The following CCDC85A variants were observed in gnomAD, a reference collection of about 807,000 sequenced individuals.
The protein encoded by CCDC85A is coiled-coil domain containing 85A, also known as coiled-coil domain-containing protein 85A.
Under a neutral mutation model 50.2 loss-of-function variants are expected in CCDC85A, and 38 were observed. That is an observed-to-expected ratio of 0.76 (90% CI 0.58 to 0.99). The LOEUF is 0.99. CCDC85A is among the 50% of genes least tolerant of loss of function. The pLI is 0.00. For synonymous variants in CCDC85A, 366 were observed against 301.4 expected (o/e 1.21, Z -2.22); for missense variants, 820 against 742.0 (o/e 1.11, Z -1.22).
At chr2:56,259,949 T>G (rs1670150516) in intron 2 of CCDC85A, among the ~76,000 whole-genome samples, 2 of 152,212 alleles carry the variant, frequency 1.3e-5, no homozygotes, top group East Asian at 1.9e-4. Flanking sequence ...GGCCTTTTCC[T>G]TATGAATCTA....
chr2:56,365,368 T>A (rs1384519079), intron 3 of CCDC85A, among the ~76,000 whole-genome samples: 1 of 152,198 alleles, frequency 6.6e-6, no homozygotes, highest in Admixed American at 6.5e-5. Context: ...AGCACAGAGC[T>A]GATGTTAATC....
intron 3 of CCDC85A, among the ~76,000 whole-genome samples, chr2:56,370,805 A>G (rs143113856): frequency 6.0e-4 from 92 of 152,250 alleles, no homozygotes; most frequent in African/African-American, 1.8e-3. Flanking sequence ...CACATTAAGA[A>G]AGAATGAAAG....
intron 1 of CCDC85A, among the ~76,000 whole-genome samples, chr2:56,188,244 G>A (rs1366346382): frequency 1.3e-5 from 2 of 152,208 alleles, no homozygotes; most frequent in Non-Finnish European, 2.9e-5. Flanking sequence ...CAAGCTGGCT[G>A]CTTAGCTGTT....
chr2:56,187,335 A>G (rs1408220616), intron 1 of CCDC85A, among the ~76,000 whole-genome samples: 1 of 152,138 alleles, frequency 6.6e-6, no homozygotes, highest in Admixed American at 6.5e-5. Flanking sequence ...GCATCTAAAT[A>G]TTTGTAAGGC....
intron 2 of CCDC85A, among the ~76,000 whole-genome samples, chr2:56,205,036 A>G (rs926989792): frequency 2.6e-5 from 4 of 152,168 alleles, no homozygotes; most frequent in Admixed American, 1.3e-4. Context: ...TGGACTGGCC[A>G]TGTGTATAGC....
At chr2:56,286,968 G>A (rs531718498) in intron 2 of CCDC85A, among the ~76,000 whole-genome samples, 46 of 152,120 alleles carry the variant, frequency 3.0e-4, no homozygotes, top group Non-Finnish European at 5.4e-4. Context: ...CTACAGACAC[G>A]ACCTTTACTT....
At chr2:56,352,236 T>A (rs1025817964) in intron 3 of CCDC85A, among the ~76,000 whole-genome samples, 2 of 152,210 alleles carry the variant, frequency 1.3e-5, no homozygotes, top group African/African-American at 4.8e-5. Flanking sequence ...ATATGCAATA[T>A]CTATATTGCC....
chr2:56,309,446 A>T (rs1362556883), intron 2 of CCDC85A, among the ~76,000 whole-genome samples: 1 of 152,198 alleles, frequency 6.6e-6, no homozygotes, highest in East Asian at 1.9e-4. Context: ...ATTTTATGGT[A>T]TAGTGATAGT....
At chr2:56,352,432 G>A (rs538806885) in intron 3 of CCDC85A, among the ~76,000 whole-genome samples, 11 of 152,096 alleles carry the variant, frequency 7.2e-5, no homozygotes, top group Non-Finnish European at 1.3e-4. Flanking sequence ...TGCAATCTCC[G>A]CCTCCCTGGT....
intron 2 of CCDC85A, among the ~76,000 whole-genome samples, chr2:56,267,315 T>G (rs149050662): frequency 2.8e-4 from 43 of 152,216 alleles, no homozygotes; most frequent in African/African-American, 1.0e-3. Flanking sequence ...CAACCAGTAC[T>G]GCTATTTCTG....
chr2:56,355,968 A>T (rs1323900511), intron 3 of CCDC85A, among the ~76,000 whole-genome samples: 2 of 152,262 alleles, frequency 1.3e-5, no homozygotes, highest in African/African-American at 2.4e-5. Context: ...GAGGCTTTTT[A>T]ATAGCCAAGC....
At chr2:56,205,546 C>A (rs1023927049) in intron 2 of CCDC85A, among the ~76,000 whole-genome samples, 2 of 152,054 alleles carry the variant, frequency 1.3e-5, no homozygotes, top group African/African-American at 4.8e-5. Context: ...AAATTAAAGG[C>A]TAGTCAGAGT....
intron 1 of CCDC85A, among the ~76,000 whole-genome samples, chr2:56,189,811 G>A (rs1558574625): frequency 6.6e-6 from 1 of 152,136 alleles, no homozygotes; most frequent in Admixed American, 6.5e-5. Flanking sequence ...TATTTTTGAA[G>A]GTCTGATTGA....
intron 2 of CCDC85A, among the ~76,000 whole-genome samples, chr2:56,298,161 A>G (rs1319387992): frequency 1.3e-5 from 2 of 152,128 alleles, no homozygotes; most frequent in African/African-American, 4.8e-5. Flanking sequence ...TGTGCCAAGG[A>G]GGTTTTTTCA....
intron 2 of CCDC85A, among the ~76,000 whole-genome samples, chr2:56,250,530 C>T (rs571578393): frequency 4.0e-4 from 61 of 152,126 alleles, no homozygotes; most frequent in Admixed American, 3.7e-3. Flanking sequence ...GTCGGCTTAC[C>T]TAGGGTAGAA....
intron 2 of CCDC85A, among the ~76,000 whole-genome samples, chr2:56,224,995 T>C (rs921873222): frequency 2.0e-5 from 3 of 152,166 alleles, no homozygotes; most frequent in African/African-American, 7.2e-5. Flanking sequence ...AAACCATTGC[T>C]TCACCTAAGT....
At position 56,192,157 on chromosome 2, in the gene CCDC85A, A is replaced by ATT. The variant is rs1676324552; in HGVS notation, c.277-320_277-319insTT. Reference sequence around the variant, plus strand: ...GGTAAAAATTGGATGACATAATGCAAGTAAAGTATTGTGCAGGGATAGAAC... The same window carrying ATT: ...GGTAAAAATTGGATGACATAATGCAATTGTAAAGTATTGTGCAGGGATAGAAC... On this transcript the variant is annotated intron_variant, in intron 1 of 5. Coordinates refer to ENST00000407595, the MANE Select transcript of CCDC85A (RefSeq NM_001080433.2). This position sits in a 1 kb window ranked among gnomAD's most constrained non-coding sequence, Gnocchi z 4.7. Among the ~76,000 whole-genome samples, 1 of 152,218 alleles carries ATT rather than the reference A, an allele frequency of 6.6e-6. No homozygotes were observed. Among genetic ancestry groups the ATT allele is most frequent in the Admixed American group, 6.5e-5 (1 of 15,286 alleles).
intron 2 of CCDC85A, among the ~76,000 whole-genome samples, chr2:56,330,017 C>T (rs1469815837): frequency 9.3e-5 from 11 of 118,908 alleles, no homozygotes; most frequent in Admixed American, 7.4e-4. Flanking sequence ...TTGACAATAC[C>T]GACTAGATGC....
intron 2 of CCDC85A, among the ~76,000 whole-genome samples, chr2:56,209,499 A>G (rs1677099734): frequency 6.6e-6 from 1 of 151,052 alleles, no homozygotes. Context: ...TTATTGACAG[A>G]GAATGGCCTT....
Sources: gnomAD v4.1 joint callset for allele counts (sites outside exome capture counted in the v4.1 genomes callset) on GRCh38, gnomAD v4.1.1 for gene constraint, Gnocchi (gnomAD v3.1) non-coding constraint, MANE v1.5 for transcripts, NCBI Gene and HGNC (gene_info 2026-07-23, HGNC 2026-07-21) for gene names.